RFTN2: variants seen among roughly 807,000 people sequenced by gnomAD.
The protein encoded by RFTN2 is raftlin family member 2.
RFTN2 carries 34 observed loss-of-function variants against 52.7 expected under a neutral mutation model. That is an observed-to-expected ratio of 0.64 (90% CI 0.49 to 0.86). The LOEUF is 0.86. RFTN2 is among the 40% of genes least tolerant of loss of function. The pLI, the probability that RFTN2 is intolerant of heterozygous loss-of-function variation, is 0.00. For synonymous variants in RFTN2, 203 were observed against 217.7 expected (o/e 0.93, Z 0.59); for missense variants, 536 against 600.1 (o/e 0.89, Z 1.12).
In RFTN2 at chr2:197,647,195, A is replaced by G. The variant is rs1017142740; in HGVS notation, c.140-529T>C. Reference sequence around the variant, plus strand: ...AAGAGCCAGTCATTTTTATGACTAAACAAGATGAGATGCATAATTTCTTTT... The same window carrying G: ...AAGAGCCAGTCATTTTTATGACTAAGCAAGATGAGATGCATAATTTCTTTT... On this transcript the variant is annotated intron_variant, in intron 1 of 8. Coordinates refer to ENST00000295049, the MANE Select transcript of RFTN2 (RefSeq NM_144629.3). 2.0e-5 allele frequency among the ~76,000 whole-genome samples: 3 copies of G among 152,246 alleles called. No individual in the cohort carries two copies. In the East Asian group the frequency reaches 5.8e-4, roughly 29 times the overall value.
At chr2:197,581,024 A>T (rs1419883786) in intron 8 of RFTN2, among the ~76,000 whole-genome samples, 3 of 150,560 alleles carry the variant, frequency 2.0e-5, no homozygotes, top group African/African-American at 7.4e-5. Flanking sequence ...GGACATCTCT[A>T]CTCCCTCCCT....
chr2:197,670,236 C>A (rs2089125281), intron 1 of RFTN2, among the ~76,000 whole-genome samples: 1 of 152,184 alleles, frequency 6.6e-6, no homozygotes, highest in African/African-American at 2.4e-5. Context: ...AGGGTATTTG[C>A]TGATTTCTGC....
intron 3 of RFTN2, among the ~76,000 whole-genome samples, chr2:197,643,292 A>G (rs7588831): frequency 0.47 from 70,749 of 151,418 alleles, 16,903 homozygotes; most frequent in Middle Eastern, 0.57. Context: ...GGGTCTTGCT[A>G]TGTTGCTTAG....
At chr2:197,660,621 C>A (rs910145435) in intron 1 of RFTN2, among the ~76,000 whole-genome samples, 10 of 151,578 alleles carry the variant, frequency 6.6e-5, no homozygotes, top group Non-Finnish European at 2.9e-5. Flanking sequence ...CTGTGTCACC[C>A]AGGCAACAAG....
intron 8 of RFTN2, among the ~76,000 whole-genome samples, chr2:197,573,024 G>C (rs183548383): frequency 6.7e-6 from 1 of 150,238 alleles, no homozygotes; most frequent in African/African-American, 2.5e-5. Flanking sequence ...TCTTTCCTTT[G>C]TAAACTACAC....
chr2:197,654,562 G>A (rs1050854719), intron 1 of RFTN2, among the ~76,000 whole-genome samples: 5 of 152,168 alleles, frequency 3.3e-5, no homozygotes, highest in African/African-American at 4.8e-5. Context: ...ATATACAGCC[G>A]AAGAGCATCT....
intron 3 of RFTN2, among the ~76,000 whole-genome samples, chr2:197,640,664 C>G (rs934565053): frequency 6.6e-6 from 1 of 152,222 alleles, no homozygotes; most frequent in Non-Finnish European, 1.5e-5. Context: ...AACCCGGTAC[C>G]TCAGATGGAA....
chr2:197,669,622 C>G (rs2089115277), intron 1 of RFTN2, among the ~76,000 whole-genome samples: 1 of 152,136 alleles, frequency 6.6e-6, no homozygotes, highest in Non-Finnish European at 1.5e-5. Context: ...AGTTTGCAAC[C>G]TAGATCCCTT....
chr2:197,580,173 A>G (rs887071988), intron 8 of RFTN2, among the ~76,000 whole-genome samples: 1 of 152,164 alleles, frequency 6.6e-6, no homozygotes, highest in African/African-American at 2.4e-5. Flanking sequence ...CGACATTAAA[A>G]AAAAGCCCCC....
At chr2:197,623,405 G>C (rs1242956820) in intron 5 of RFTN2, among the ~76,000 whole-genome samples, 3 of 152,228 alleles carry the variant, frequency 2.0e-5, no homozygotes, top group Non-Finnish European at 4.4e-5. Context: ...CTAAATTGCT[G>C]CAATCTCGTA....
chr2:197,574,835 T>G (rs2087385338), intron 8 of RFTN2, among the ~76,000 whole-genome samples: 2 of 152,022 alleles, frequency 1.3e-5, no homozygotes, highest in South Asian at 4.2e-4. Context: ...ACCAATGCAC[T>G]CTAGCCTGGG....
intron 8 of RFTN2, among the ~76,000 whole-genome samples, chr2:197,578,304 G>A (rs1379448936): frequency 6.6e-6 from 1 of 152,154 alleles, no homozygotes; most frequent in African/African-American, 2.4e-5. Context: ...GCCACCAAAT[G>A]TAAATTTCAA....
At chr2:197,588,996 G>T (rs550671885) in intron 8 of RFTN2, among the ~76,000 whole-genome samples, 1 of 152,182 alleles carries the variant, frequency 6.6e-6, no homozygotes, top group South Asian at 2.1e-4. Context: ...GGCCAAGGCA[G>T]GTGGACCACG....
At position 197,575,836 on chromosome 2, in the gene RFTN2, ATTATAT is replaced by A. The variant is rs1306279034; in HGVS notation, c.1234-3562_1234-3557del. On this transcript the variant is annotated intron_variant, in intron 8 of 8. Coordinates refer to ENST00000295049, the MANE Select transcript of RFTN2 (RefSeq NM_144629.3). ...ATAATATATATTCTATATATAATAT[ATTATAT>A]ATATTTTATATACATAATATATTTA... 9.4e-4 allele frequency among the ~76,000 whole-genome samples: 32 copies of A among 33,888 alleles called. 1 individual carries two copies. The highest frequency in any genetic ancestry group is 2.3e-3 in the Non-Finnish European group (30 of 12,998). The allele number at this position is 33,888 out of a possible 152,430, so 22.2% of individuals were successfully genotyped here. A position where few individuals can be genotyped will look rare whatever the true frequency, so the allele number is the denominator to read the frequency against.
chr2:197,646,372 C>T (rs563951503), intron 2 of RFTN2, 111 bp downstream of exon 2: 255 of 792,762 alleles, frequency 3.2e-4, no homozygotes, highest in Non-Finnish European at 4.8e-4. Context: ...GTGCTTTAAA[C>T]TAAAACCCCC....
chr2:197,650,449 T>G (rs547114731), intron 1 of RFTN2, among the ~76,000 whole-genome samples: 9 of 152,312 alleles, frequency 5.9e-5, no homozygotes, highest in Admixed American at 3.9e-4. Context: ...GAGCACTTCA[T>G]TTTTGTGAAA....
intron 7 of RFTN2, 113 bp downstream of exon 7, chr2:197,615,763 C>T: frequency 1.6e-6 from 1 of 620,142 alleles, no homozygotes; most frequent in Non-Finnish European, 2.9e-6. Context: ...ATTCGAAGCT[C>T]AGTGTAATGT....
At chr2:197,633,484 CA>C (rs926190137) in intron 4 of RFTN2, among the ~76,000 whole-genome samples, 18 of 152,126 alleles carry the variant, frequency 1.2e-4, no homozygotes, top group African/African-American at 4.3e-4. Flanking sequence ...ATCTTCAACA[CA>C]AAGTTTCATT....
intron 1 of RFTN2, among the ~76,000 whole-genome samples, chr2:197,668,194 G>T (rs1041353316): frequency 5.3e-5 from 8 of 152,112 alleles, no homozygotes; most frequent in African/African-American, 1.9e-4. Flanking sequence ...TAGCAATGGT[G>T]GTGAACTTAG....
Sources: allele counts gnomAD v4.1 joint callset (sites outside exome capture counted in the v4.1 genomes callset), GRCh38; gene constraint gnomAD v4.1.1; transcripts MANE v1.5; gene names NCBI Gene and HGNC (gene_info 2026-07-23, HGNC 2026-07-21).